Variants in ZFC3H1 observed in about 807,000 individuals in gnomAD.
The protein encoded by ZFC3H1 is zinc finger C3H1 domain-containing protein.
ZFC3H1 carries 71 observed loss-of-function variants against 243.7 expected under a neutral mutation model. That is an observed-to-expected ratio of 0.29 (90% CI 0.24 to 0.36). The LOEUF (loss-of-function observed/expected upper bound fraction) is 0.36. ZFC3H1 is among the 10% of genes least tolerant of loss of function. The pLI is 1.00. For missense variants in ZFC3H1, 1,966 were observed against 2,317.1 expected (o/e 0.85, Z 3.11); for synonymous variants, 838 against 813.0 (o/e 1.03, Z -0.52).
intron 6 of ZFC3H1, among the ~76,000 whole-genome samples, chr12:71,640,175 C>T (rs1041094676): frequency 1.3e-5 from 2 of 152,174 alleles, no homozygotes; most frequent in African/African-American, 2.4e-5. Context: ...GGGTGAGCCA[C>T]CACTACTGGC....
intron 31 of ZFC3H1, among the ~76,000 whole-genome samples, chr12:71,612,545 C>G (rs183483686): frequency 3.1e-4 from 47 of 152,232 alleles, no homozygotes; most frequent in Non-Finnish European, 5.4e-4. Flanking sequence ...CTGTAAAATA[C>G]TACCATTATG....
In ZFC3H1 at chr12:71,642,429, C is replaced by T. The variant is rs756990267; in HGVS notation, c.1627+7G>A. 8 of 1,609,272 alleles carry T rather than the reference C, an allele frequency of 5.0e-6. No individual in the cohort carries two copies. Among genetic ancestry groups the T allele is most frequent in the East Asian group, 4.5e-5 (2 of 44,772 alleles). On this transcript the variant is annotated splice_region_variant and intron_variant, in intron 6 of 34. Coordinates refer to ENST00000378743, the MANE Select transcript of ZFC3H1 (RefSeq NM_144982.5). ...AATACACAAAGGTTTCAAGTTTTGG[C>T]TCATACCTGGAGAACTGGTTTCACT... is the stretch of plus-strand genomic sequence containing the variant.
At chr12:71,636,249 ACT>A (rs1880456581) in intron 9 of ZFC3H1, among the ~76,000 whole-genome samples, 1 of 152,114 alleles carries the variant, frequency 6.6e-6, no homozygotes, top group Non-Finnish European at 1.5e-5. Flanking sequence ...AAAGTACACC[ACT>A]CTGATGAAAA....
intron 2 of ZFC3H1, among the ~76,000 whole-genome samples, chr12:71,651,167 G>A (rs1457885600): frequency 6.6e-6 from 1 of 152,212 alleles, no homozygotes; most frequent in Admixed American, 6.5e-5. Context: ...CAAGTTCCCA[G>A]ATAACGCAGT....
chr12:71,655,983 A>G (rs1247610786), intron 2 of ZFC3H1, among the ~76,000 whole-genome samples: 1 of 152,068 alleles, frequency 6.6e-6, no homozygotes, highest in African/African-American at 2.4e-5. Context: ...ATACAATTAC[A>G]TGAATGAATT....
At chr12:71,656,718 A>C (rs1447366909) in intron 2 of ZFC3H1, 167 bp downstream of exon 2, 8 of 730,836 alleles carry the variant, frequency 1.1e-5, no homozygotes, top group Non-Finnish European at 1.7e-5. Flanking sequence ...TAAAGACTAA[A>C]AGTAAACAAA....
At chr12:71,643,791 C>T (rs1031100538) in intron 5 of ZFC3H1, among the ~76,000 whole-genome samples, 5 of 152,194 alleles carry the variant, frequency 3.3e-5, no homozygotes, top group Admixed American at 2.0e-4. Context: ...TGAAATTCTA[C>T]CCCTGTACTT....
intron 21 of ZFC3H1, 146 bp downstream of exon 21, chr12:71,627,605 A>G: frequency 1.4e-6 from 1 of 717,132 alleles, no homozygotes; most frequent in Non-Finnish European, 2.2e-6. Flanking sequence ...TAGCTTTTAA[A>G]CAATAAAATG....
rs1451823881 is a variant in ZFC3H1 at position 71,634,260 on chromosome 12, C to T, written c.2405G>A (p.Ser802Asn). The change falls in exon 12 of 35, where the codon AGT becomes AAT. Residue 802 changes from serine to asparagine, a missense_variant. Coordinates refer to ENST00000378743, the MANE Select transcript of ZFC3H1 (RefSeq NM_144982.5). ...RLIKSDQLKT[S>N]SSSPANSDVE... is the part of the protein sequence containing the mutation. ...ATCAGAGTTTGCTGGGGATGATGAA[C>T]TTGTCTTCAGCTGATCTGATTTAAT... 1.2e-6 allele frequency: 2 copies of T among 1,614,052 alleles called. No individual in the cohort carries two copies. Among genetic ancestry groups the T allele is most frequent in the East Asian group, 2.2e-5 (1 of 44,846 alleles).
At position 71,657,160 on chromosome 12, in the gene ZFC3H1, T is replaced by C; in HGVS notation, c.740A>G (p.Lys247Arg). The C allele has an allele frequency of 1.2e-6, 2 of 1,613,954 alleles. No individual in the cohort carries two copies. Among genetic ancestry groups the C allele is most frequent in the Non-Finnish European group, 1.7e-6 (2 of 1,179,936 alleles). Residue 247 changes from lysine to arginine, a missense_variant, in exon 2 of 35, where the codon AAA (lysine) becomes AGA (arginine). Around this residue, in one of 4 missense-constraint regions of ZFC3H1, gnomAD observed 484 missense variants for 449.7 expected, o/e 1.08. Coordinates refer to ENST00000378743, the MANE Select transcript of ZFC3H1 (RefSeq NM_144982.5). ...LELECINKDE[K>R]LALSSKEENV... ...CTCTTCTTTGCTACTCAATGCTAGT[T>C]TTTCATCCTTATTGATGCATTCTAG...
rs1329887571 is a variant in ZFC3H1, at chr12:71,632,922, T to G, written c.2781A>C (p.Glu927Asp). 1 of 1,613,222 alleles carries G rather than the reference T, an allele frequency of 6.2e-7. No homozygotes were observed. Among genetic ancestry groups the G allele is most frequent in the Non-Finnish European group, 8.5e-7 (1 of 1,179,780 alleles). ...LARAKAVASKEIGKRKLEQDR... is the reference protein window; with the variant it reads ...LARAKAVASKDIGKRKLEQDR... ...CTTGTTCCAGTTTACGTTTTCCTAT[T>G]TCTTTACTGGCCACTGCCTTTGCCC... is the stretch of plus-strand genomic sequence containing the variant. Residue 927 changes from glutamate (E) to aspartate (D), a missense_variant, in exon 14 of 35, where the codon GAA becomes GAC. Physicochemically the swap from Glu to Asp is conservative, Grantham distance 45. Coordinates refer to ENST00000378743, the MANE Select transcript of ZFC3H1 (RefSeq NM_144982.5).
intron 2 of ZFC3H1, among the ~76,000 whole-genome samples, chr12:71,654,774 G>A (rs1213611526): frequency 1.3e-5 from 2 of 152,136 alleles, no homozygotes; most frequent in Non-Finnish European, 2.9e-5. Context: ...GACAAAGATT[G>A]TCATACTGAA....
chr12:71,634,890 T>C, intron 10 of ZFC3H1, 65 bp from the exon 11 acceptor site: 2 of 1,531,362 alleles, frequency 1.3e-6, no homozygotes, highest in Non-Finnish European at 1.7e-6. Flanking sequence ...ATACTAAGAT[T>C]TATATTTTAC....
At chr12:71,637,171 G>T in intron 7 of ZFC3H1, 112 bp from the exon 8 acceptor site, 1 of 913,188 alleles carries the variant, frequency 1.1e-6, no homozygotes, top group Non-Finnish European at 1.6e-6. Flanking sequence ...TATTTTAGCT[G>T]TAAATATAGT....
intron 21 of ZFC3H1, among the ~76,000 whole-genome samples, chr12:71,626,824 G>C (rs549663322): frequency 2.0e-5 from 3 of 152,314 alleles, no homozygotes; most frequent in Admixed American, 1.3e-4. Flanking sequence ...GCCAGCTACT[G>C]CAAGTACAAA....
chr12:71,637,195 G>T, intron 7 of ZFC3H1, 136 bp from the exon 8 acceptor site: 1 of 721,536 alleles, frequency 1.4e-6, no homozygotes, highest in Non-Finnish European at 2.1e-6. Flanking sequence ...CTAAGTATAT[G>T]TTAACCTCAA....
At chr12:71,626,206 T>TCA in intron 22 of ZFC3H1, 54 bp downstream of exon 22, 1 of 1,196,128 alleles carries the variant, frequency 8.4e-7, no homozygotes, top group Non-Finnish European at 1.1e-6. Flanking sequence ...ATCCAAATAA[T>TCA]TATACACACA....
intron 1 of ZFC3H1, among the ~76,000 whole-genome samples, chr12:71,661,902 T>C (rs1488547372): frequency 2.0e-5 from 3 of 152,230 alleles, no homozygotes; most frequent in Non-Finnish European, 4.4e-5. Context: ...TGTACATTCC[T>C]TGCCCCTTTT....
At chr12:71,623,102 C>T (rs1880074395) in intron 24 of ZFC3H1, among the ~76,000 whole-genome samples, 1 of 151,560 alleles carries the variant, frequency 6.6e-6, no homozygotes, top group Non-Finnish European at 1.5e-5. Context: ...TTTCTCTACG[C>T]ATTTAACAGA....
Sources: gnomAD v4.1 joint callset for allele counts (sites outside exome capture counted in the v4.1 genomes callset) on GRCh38, gnomAD v4.1.1 for gene constraint, gnomAD v4.1.1 regional missense constraint, MANE v1.5 for transcripts, NCBI Gene and HGNC (gene_info 2026-07-23, HGNC 2026-07-21) for gene names.